Variants in NRXN1 observed in about 807,000 individuals in gnomAD.
The protein encoded by NRXN1 is neurexin-1.
NRXN1 carries 39 observed loss-of-function variants against 150.9 expected under a neutral mutation model. That is an observed-to-expected ratio of 0.26 (90% CI 0.20 to 0.34). NRXN1 has a LOEUF of 0.34. NRXN1 is among the 10% of genes least tolerant of loss of function. NRXN1 has a pLI of 1.00. For synonymous variants in NRXN1, 924 were observed against 757.0 expected, an observed-to-expected ratio of 1.22 and a Z score of -3.62; for missense variants, 1,815 against 1,949.9, an observed-to-expected ratio of 0.93 and a Z score of 1.30.
chr2:50,179,171 A>G (rs2060540251), intron 18 of NRXN1, among the ~76,000 whole-genome samples: 1 of 152,140 alleles, frequency 6.6e-6, no homozygotes, highest in Non-Finnish European at 1.5e-5. Context: ...AATGTCAAGC[A>G]GCTATTTGCA....
intron 18 of NRXN1, among the ~76,000 whole-genome samples, chr2:50,178,424 A>G (rs1371959330): frequency 2.6e-5 from 4 of 152,132 alleles, no homozygotes; most frequent in Admixed American, 2.6e-4. Context: ...TTAAAAGTCA[A>G]TTCTTGCCAA....
chr2:49,955,935 G>A (rs1674859160), intron 21 of NRXN1, among the ~76,000 whole-genome samples: 1 of 152,032 alleles, frequency 6.6e-6, no homozygotes, highest in African/African-American at 2.4e-5. Context: ...AGTTATACAG[G>A]CAAGGAATAA....
intron 2 of NRXN1, among the ~76,000 whole-genome samples, chr2:50,969,233 T>C (rs552128673): frequency 1.3e-5 from 2 of 152,248 alleles, no homozygotes; most frequent in South Asian, 2.1e-4. Context: ...TTAATTAATA[T>C]ATTAATTCAC....
intron 5 of NRXN1, among the ~76,000 whole-genome samples, chr2:50,679,857 G>A (rs1690108207): frequency 6.6e-6 from 1 of 152,072 alleles, no homozygotes; most frequent in African/African-American, 2.4e-5. Context: ...TAGAGGCCAG[G>A]TGCAGTGGCT....
At chr2:50,662,251 T>C (rs576490445) in intron 5 of NRXN1, among the ~76,000 whole-genome samples, 2 of 152,092 alleles carry the variant, frequency 1.3e-5, no homozygotes, top group East Asian at 3.9e-4. Flanking sequence ...GGGCTAGATC[T>C]TTGCACAGGG....
intron 22 of NRXN1, among the ~76,000 whole-genome samples, chr2:49,923,797 G>C (rs1287845238): frequency 6.6e-6 from 1 of 152,056 alleles, no homozygotes; most frequent in South Asian, 2.1e-4. Flanking sequence ...CATTTCCAAA[G>C]TAGTAGCTCT....
chr2:49,979,311 A>T (rs1679566470), intron 21 of NRXN1, among the ~76,000 whole-genome samples: 1 of 152,112 alleles, frequency 6.6e-6, no homozygotes, highest in African/African-American at 2.4e-5. Flanking sequence ...AGAAACAAAA[A>T]CTTAGAGGGA....
chr2:50,008,230 TA>T (rs969308060), intron 21 of NRXN1, among the ~76,000 whole-genome samples: 1 of 152,098 alleles, frequency 6.6e-6, no homozygotes, highest in Non-Finnish European at 1.5e-5. Context: ...TGACATCTCC[TA>T]AGCAAGAGTG....
intron 17 of NRXN1, among the ~76,000 whole-genome samples, chr2:50,290,249 C>G (rs1048509894): frequency 6.6e-6 from 1 of 152,110 alleles, no homozygotes; most frequent in Admixed American, 6.6e-5. Flanking sequence ...TCATGTGGCA[C>G]TTAATTATTT....
At chr2:50,714,915 T>C (rs958972671) in intron 5 of NRXN1, among the ~76,000 whole-genome samples, 1 of 152,096 alleles carries the variant, frequency 6.6e-6, no homozygotes, top group Non-Finnish European at 1.5e-5. Context: ...TAATTCAGTA[T>C]AAAAAGTGTA....
chr2:50,441,274 T>A (rs2085929801), intron 17 of NRXN1, among the ~76,000 whole-genome samples: 2 of 152,314 alleles, frequency 1.3e-5, no homozygotes, highest in East Asian at 3.9e-4. Flanking sequence ...TAATTACCTA[T>A]TTCATGGTAA....
At chr2:50,313,300 C>T (rs1023249485) in intron 17 of NRXN1, among the ~76,000 whole-genome samples, 10 of 152,108 alleles carry the variant, frequency 6.6e-5, no homozygotes, top group African/African-American at 2.4e-4. Flanking sequence ...CACGATTATA[C>T]TATTATGATT....
chr2:50,878,617 A>G (rs1460679346), intron 5 of NRXN1, among the ~76,000 whole-genome samples: 2 of 152,008 alleles, frequency 1.3e-5, no homozygotes, highest in Non-Finnish European at 2.9e-5. Context: ...TGACTGAGCT[A>G]TAAGGATTCA....
At chr2:50,551,111 G>A (rs12713107) in intron 9 of NRXN1, among the ~76,000 whole-genome samples, 33,868 of 119,014 alleles carry the variant, frequency 0.28, 5,310 homozygotes, top group East Asian at 0.53. Flanking sequence ...GGAGGGAGGG[G>A]GAGGGGGAGG....
chr2:50,628,877 T>C (rs1418323668), intron 5 of NRXN1, among the ~76,000 whole-genome samples: 2 of 151,486 alleles, frequency 1.3e-5, no homozygotes, highest in African/African-American at 4.8e-5. Flanking sequence ...GATAAAGTAG[T>C]TGAACAGACA....
chr2:50,042,842 G>T (rs1405881893), intron 21 of NRXN1, among the ~76,000 whole-genome samples: 2 of 152,062 alleles, frequency 1.3e-5, no homozygotes, highest in Non-Finnish European at 2.9e-5. Context: ...CAGGAAACAG[G>T]TTCTGCTTGG....
At chr2:50,861,423 G>A (rs1245862452) in intron 5 of NRXN1, among the ~76,000 whole-genome samples, 5 of 152,036 alleles carry the variant, frequency 3.3e-5, no homozygotes, top group East Asian at 1.9e-4. Flanking sequence ...AATGATGAAG[G>A]TGGAATTCAA....
intron 5 of NRXN1, among the ~76,000 whole-genome samples, chr2:50,874,850 G>A (rs971002908): frequency 6.6e-6 from 1 of 151,638 alleles, no homozygotes; most frequent in African/African-American, 2.4e-5. Context: ...TATATACTAC[G>A]TTGAGAAATG....
intron 14 of NRXN1, 56 bp from the exon 15 acceptor site, chr2:50,496,151 C>A: frequency 1.5e-6 from 2 of 1,373,902 alleles, no homozygotes; most frequent in South Asian, 1.3e-5. Flanking sequence ...TTTGATGAAC[C>A]TAAAGTAGAT....
Sources: gnomAD v4.1 joint callset for allele counts (sites outside exome capture counted in the v4.1 genomes callset) on GRCh38, gnomAD v4.1.1 for gene constraint, MANE v1.5 for transcripts, NCBI Gene and HGNC (gene_info 2026-07-23, HGNC 2026-07-21) for gene names.